MAU2: variants seen among roughly 807,000 people sequenced by gnomAD.
The protein encoded by MAU2 is MAU2 chromatid cohesion factor homolog.
Under a neutral mutation model 89.1 loss-of-function variants are expected in MAU2, and 9 were observed. The ratio of observed to expected loss-of-function variants is 0.10; its 90% confidence interval spans 0.06 to 0.18. MAU2 has a LOEUF of 0.18. MAU2 is among the 10% of genes least tolerant of loss of function. The pLI is 1.00. For synonymous variants in MAU2, 357 were observed against 343.4 expected (o/e 1.04, Z -0.44); for missense variants, 425 against 803.5 (o/e 0.53, Z 5.69).
chr19:19,354,513 G>A (rs2048155085), intron 17 of MAU2, 68 bp downstream of exon 17: 2 of 1,390,612 alleles, frequency 1.4e-6, no homozygotes, highest in Admixed American at 1.7e-5. Flanking sequence ...AGGCTGCTGG[G>A]CATGTCCTGC....
At chr19:19,355,449 A>C in intron 18 of MAU2, 58 bp downstream of exon 18, 1 of 1,598,716 alleles carries the variant, frequency 6.3e-7, no homozygotes, top group Non-Finnish European at 8.5e-7. Context: ...CACCTGCAAG[A>C]GGAAGGGGCA....
At chr19:19,323,391 C>T (rs2061479480) in intron 1 of MAU2, among the ~76,000 whole-genome samples, 2 of 152,044 alleles carry the variant, frequency 1.3e-5, no homozygotes, top group Admixed American at 1.3e-4. Context: ...GACAGAGTTT[C>T]ACCATTTGGT....
chr19:19,354,644 C>T (rs1233818562), intron 17 of MAU2, 199 bp downstream of exon 17: 10 of 604,100 alleles, frequency 1.7e-5, no homozygotes, highest in East Asian at 2.8e-5. Context: ...CCGCTTGACT[C>T]GGGGTCTGGT....
At chr19:19,354,305 G>C (rs770993386) in intron 16 of MAU2, 50 bp from the exon 17 acceptor site, 1 of 1,491,286 alleles carries the variant, frequency 6.7e-7, no homozygotes, top group African/African-American at 1.4e-5. Context: ...GCTGGGTTCG[G>C]CAAGTGGGGT....
intron 16 of MAU2, 113 bp from the exon 17 acceptor site, chr19:19,354,242 A>G: frequency 1.3e-6 from 1 of 758,058 alleles, no homozygotes; most frequent in South Asian, 1.5e-5. Context: ...AGGAGGTCAC[A>G]ACCTGGGCTG....
At chr19:19,347,138 A>G in intron 12 of MAU2, 142 bp from the exon 13 acceptor site, 1 of 633,998 alleles carries the variant, frequency 1.6e-6, no homozygotes, top group East Asian at 2.7e-5. Flanking sequence ...CCTTGAGCTT[A>G]GGAGGCAAAA....
chr19:19,336,266 G>A, intron 3 of MAU2, 79 bp downstream of exon 3: 2 of 1,087,756 alleles, frequency 1.8e-6, no homozygotes, highest in Non-Finnish European at 1.4e-6. Context: ...GTAAATTGGG[G>A]TTCCGGGAGT....
At chr19:19,350,671 C>T (rs542233254) in intron 16 of MAU2, among the ~76,000 whole-genome samples, 4 of 151,100 alleles carry the variant, frequency 2.6e-5, no homozygotes, top group Admixed American at 2.0e-4. Flanking sequence ...GAGGCCAAGG[C>T]GGGCAGATCA....
At chr19:19,353,615 G>T (rs1207211142) in intron 16 of MAU2, 1 of 152,322 alleles carries the variant, frequency 6.6e-6, no homozygotes, top group African/African-American at 2.4e-5. Context: ...ATCATCTAGG[G>T]AATTTTCCAG....
intron 12 of MAU2, 141 bp from the exon 13 acceptor site, chr19:19,347,139 G>C: frequency 1.6e-6 from 1 of 635,936 alleles, no homozygotes; most frequent in Non-Finnish European, 2.8e-6. Context: ...CTTGAGCTTA[G>C]GAGGCAAAAC....
rs535596791 is a variant in MAU2 at position 19,348,817 on chromosome 19, A to G, written c.1309-72A>G. On this transcript the variant is annotated intron_variant, in intron 13 of 18. Transcript: ENST00000262815. ...CGGGGGTGTAGAGAAATTCCCATGC[A>G]CTGCAGTGTGTCTTGGGGACCTTTC... The G allele has an allele frequency of 6.9e-5, 103 of 1,494,270 alleles. No homozygotes were observed. The South Asian group carries it at 1.1e-3, about 16-fold the overall frequency. The allele number at this position is 1,494,270 out of a possible 1,614,324, so 92.6% of individuals were successfully genotyped here. A position where few individuals can be genotyped will look rare whatever the true frequency, so the allele number is the denominator to read the frequency against.
chr19:19,335,300 G>C (rs565033968), intron 1 of MAU2, among the ~76,000 whole-genome samples: 4 of 152,112 alleles, frequency 2.6e-5, no homozygotes, highest in Non-Finnish European at 5.9e-5. Flanking sequence ...CTGATTTCTC[G>C]TGTTATGCTT....
intron 12 of MAU2, among the ~76,000 whole-genome samples, chr19:19,346,702 T>G (rs1055959728): frequency 1.3e-5 from 2 of 152,182 alleles, no homozygotes; most frequent in African/African-American, 2.4e-5. Context: ...CTACATAGAT[T>G]GGACCCTCTC....
chr19:19,345,490 A>G lies in MAU2; in HGVS notation c.1221+121A>G. 3 of 933,020 alleles carry G rather than the reference A, an allele frequency of 3.2e-6. No individual in the cohort carries two copies. The highest frequency in any genetic ancestry group is 2.2e-4 in the Middle Eastern group (1 of 4,626). The allele number at this position is 933,020 out of a possible 1,614,324, so 57.8% of individuals were successfully genotyped here. A position where few individuals can be genotyped will look rare whatever the true frequency, so the allele number is the denominator to read the frequency against. On this transcript the variant is annotated intron_variant, in intron 12 of 18. Transcript: ENST00000262815. The surrounding 1 kb of genome is among the most constrained non-coding windows in gnomAD (Gnocchi z 4.9). ...CAGCTATGCAAAGCCGCAGCCCCAG[A>G]GGCAATGCACAGTAGTCAGCCCATG...
At chr19:19,335,925 C>T (rs1045788495) in intron 2 of MAU2, among the ~76,000 whole-genome samples, 190 bp downstream of exon 2, 3 of 152,144 alleles carry the variant, frequency 2.0e-5, no homozygotes, top group African/African-American at 4.8e-5. Context: ...TGCTTCTCTT[C>T]GTACCTTGCA....
At chr19:19,334,655 G>A (rs1278830515) in intron 1 of MAU2, 11 of 959,914 alleles carry the variant, frequency 1.1e-5, no homozygotes, top group Non-Finnish European at 1.4e-5. Flanking sequence ...TGACACCAGG[G>A]CATTCTGACC....
intron 1 of MAU2, chr19:19,321,402 T>A: frequency 2.3e-6 from 1 of 432,502 alleles, no homozygotes; most frequent in Non-Finnish European, 4.1e-6. Context: ...GAAAGTTGCC[T>A]GTTATTGGGA....
rs1333126368 is a variant in MAU2 at position 19,349,583 on chromosome 19, A to C, written c.1548+147A>C. ...TCTAGGTGGATGCCCTGACTCCCACAGCCTGGGCAGGCAGGGCCAGAGGAG... is the reference window on the plus strand; with the variant it reads ...TCTAGGTGGATGCCCTGACTCCCACCGCCTGGGCAGGCAGGGCCAGAGGAG... On this transcript the variant is annotated intron_variant, in intron 16 of 18. Coordinates refer to ENST00000262815, the MANE Select transcript of MAU2 (RefSeq NM_015329.4). 27 of 700,786 alleles carry C rather than the reference A, an allele frequency of 3.9e-5. 1 individual carries two copies. Among genetic ancestry groups the C allele is most frequent in the Middle Eastern group, 3.8e-4 (1 of 2,636 alleles). The allele number at this position is 700,786 out of a possible 1,614,324, so 43.4% of individuals were successfully genotyped here.
chr19:19,335,228 T>C (rs925980221), intron 1 of MAU2, among the ~76,000 whole-genome samples: 1 of 152,212 alleles, frequency 6.6e-6, no homozygotes, highest in African/African-American at 2.4e-5. Context: ...CCAAGCATCT[T>C]TCAAATGCCT....
Sources: gnomAD v4.1 joint callset for allele counts (sites outside exome capture counted in the v4.1 genomes callset) on GRCh38, gnomAD v4.1.1 for gene constraint, Gnocchi (gnomAD v3.1) non-coding constraint, MANE v1.5 for transcripts, NCBI Gene and HGNC (gene_info 2026-07-23, HGNC 2026-07-21) for gene names.